SMCHD1: variants seen among roughly 807,000 people sequenced by gnomAD.
The protein encoded by SMCHD1 is structural maintenance of chromosomes flexible hinge domain-containing protein 1.
SMCHD1 carries 78 observed loss-of-function variants against 254.7 expected under a neutral mutation model. That is an observed-to-expected ratio of 0.31 (90% CI 0.26 to 0.37). SMCHD1 has a LOEUF of 0.37. Among genes scored for constraint, SMCHD1 ranks in the 10% least tolerant of loss-of-function variants. The probability of loss-of-function intolerance (pLI) is 1.00; values close to 1 mark genes in which losing one functional copy is unlikely to be tolerated. For synonymous variants in SMCHD1, 766 were observed against 794.9 expected (o/e 0.96, Z 0.61); for missense variants, 1,840 against 2,408.1 (o/e 0.76, Z 4.94).
At chr18:2,662,312 T>A (rs546722647) in intron 1 of SMCHD1, among the ~76,000 whole-genome samples, 3 of 151,712 alleles carry the variant, frequency 2.0e-5, no homozygotes, top group African/African-American at 7.2e-5. Flanking sequence ...TTGCACATAG[T>A]TTTTCAGTAA....
Position 2,666,948 on chromosome 18 carries a change from G to A in SMCHD1, c.341G>A (p.Arg114Gln). Residue 114 changes from arginine to glutamine, a missense_variant, in exon 3 of 48, where the codon CGA (arginine) becomes CAA (glutamine). Physicochemically the swap from Arg to Gln is conservative, Grantham distance 43. Around this residue, in one of 9 missense-constraint regions of SMCHD1, gnomAD observed 37 missense variants for 54.2 expected, o/e 0.68. Transcript: ENST00000320876. Reference sequence around the variant, plus strand: ...TTACTACTGACAGCTACGAAAGAACGAATTGACTTCTTACCTCACTATGAC... The same window carrying A: ...TTACTACTGACAGCTACGAAAGAACAAATTGACTTCTTACCTCACTATGAC... ...NQLLLTATKE[R>Q]IDFLPHYDTL... 6.2e-7 allele frequency: 1 copy of A among 1,612,188 alleles called. No individual in the cohort carries two copies. Among genetic ancestry groups the A allele is most frequent in the South Asian group, 1.1e-5 (1 of 90,826 alleles).
intron 3 of SMCHD1, among the ~76,000 whole-genome samples, chr18:2,669,824 A>G (rs2073546744): frequency 6.6e-6 from 1 of 152,156 alleles, no homozygotes. Flanking sequence ...AGTTCCCCCT[A>G]TCTGAATTGA....
intron 1 of SMCHD1, among the ~76,000 whole-genome samples, chr18:2,664,664 A>C (rs981541476): frequency 1.3e-5 from 2 of 152,216 alleles, no homozygotes; most frequent in Non-Finnish European, 2.9e-5. Context: ...TTACACTGGG[A>C]GGCACGTGAT....
Position 2,747,539 on chromosome 18 carries a change from T to C in SMCHD1, c.3819T>C (p.Asn1273=). The change falls in exon 30 of 48, where the codon AAT becomes AAC. Residue 1273 remains asparagine (N), a synonymous_variant. Coordinates refer to ENST00000320876, the MANE Select transcript of SMCHD1 (RefSeq NM_015295.3). ...PELKESIPVI[N]GRDLQNPIIV... Reference sequence around the variant, plus strand: ...CTTTTCAGTCCATTCCAGTGATTAATGGAAGAGATTTACAGAACCCTATTA... The same window carrying C: ...CTTTTCAGTCCATTCCAGTGATTAACGGAAGAGATTTACAGAACCCTATTA... 2 of 1,606,918 alleles carry C rather than the reference T, an allele frequency of 1.2e-6. No individual in the cohort carries two copies. Among genetic ancestry groups the C allele is most frequent in the Non-Finnish European group, 1.7e-6 (2 of 1,174,724 alleles).
At chr18:2,729,729 GAT>G (rs1345881605) in intron 24 of SMCHD1, among the ~76,000 whole-genome samples, 2 of 137,756 alleles carry the variant, frequency 1.5e-5, no homozygotes, top group Non-Finnish European at 3.1e-5. Context: ...TTTTTAAAGA[GAT>G]AGGGTCTCAC....
At chr18:2,705,866 G>T in intron 14 of SMCHD1, 59 bp downstream of exon 14, 1 of 1,042,306 alleles carries the variant, frequency 9.6e-7, no homozygotes, top group South Asian at 1.5e-5. Flanking sequence ...TTGCATAATT[G>T]TTAAGATACA....
intron 40 of SMCHD1, 80 bp downstream of exon 40, chr18:2,771,698 G>A: frequency 8.9e-7 from 1 of 1,119,916 alleles, no homozygotes; most frequent in Non-Finnish European, 1.2e-6. Context: ...TTTTTATTAG[G>A]AATTCTGAGT....
At chr18:2,682,009 T>C (rs757371387) in intron 5 of SMCHD1, among the ~76,000 whole-genome samples, 15 of 152,248 alleles carry the variant, frequency 9.9e-5, no homozygotes, top group Non-Finnish European at 2.1e-4. Flanking sequence ...TTTTGTTTTC[T>C]AATATTTGTG....
intron 2 of SMCHD1, among the ~76,000 whole-genome samples, chr18:2,666,657 T>C (rs1267538606): frequency 2.0e-5 from 3 of 152,226 alleles, no homozygotes; most frequent in Non-Finnish European, 4.4e-5. Context: ...GTTTAACTTA[T>C]TAAGAATTGA....
At chr18:2,764,246 G>A (rs777940488) in intron 37 of SMCHD1, 88 of 158,980 alleles carry the variant, frequency 5.5e-4, no homozygotes, top group South Asian at 1.6e-3. Context: ...GATAATAGAT[G>A]CTTAGCAACT....
chr18:2,737,250 G>A (rs188226753), intron 25 of SMCHD1, among the ~76,000 whole-genome samples: 128 of 152,162 alleles, frequency 8.4e-4, no homozygotes, highest in African/African-American at 2.5e-3. Context: ...AGAGGAGCAG[G>A]GGTTGAAAAA....
At chr18:2,742,936 A>G (rs1204768808) in intron 28 of SMCHD1, among the ~76,000 whole-genome samples, 2 of 152,178 alleles carry the variant, frequency 1.3e-5, no homozygotes, top group Non-Finnish European at 2.9e-5. Context: ...GGCCTCGTAA[A>G]GTGCTGGGAT....
chr18:2,713,119 G>A lies in SMCHD1; in HGVS notation c.2261-5039G>A, dbSNP rs72862998. On this transcript the variant is annotated intron_variant, in intron 17 of 47. Coordinates refer to ENST00000320876, the MANE Select transcript of SMCHD1 (RefSeq NM_015295.3). ...TGTATGAGCTGTTTCTTATGATTAC[G>A]TAAGTCTGTTGTTGTAGATGAATGC... 7.5e-3 allele frequency among the ~76,000 whole-genome samples: 1,148 copies of A among 152,300 alleles called. 8 individuals carry two copies. Among genetic ancestry groups the A allele is most frequent in the Middle Eastern group, 0.017 (5 of 294 alleles).
Position 2,750,450 on chromosome 18 carries a change from C to G in SMCHD1, c.4108C>G (p.Arg1370Gly), listed in dbSNP as rs942559171. The change falls in exon 32 of 48, where the codon CGT becomes GGT. Residue 1370 changes from arginine (R) to glycine (G), a missense_variant. By Grantham distance (125) the Arg-to-Gly change is moderately radical. This residue lies in a region of SMCHD1 where 881 missense variants were observed against 1,009.5 expected (regional missense o/e 0.87). Coordinates refer to ENST00000320876, the MANE Select transcript of SMCHD1 (RefSeq NM_015295.3). Reference protein sequence around the residue: ...MILPDPEKPVRLNVKYDKDAS... With the variant: ...MILPDPEKPVGLNVKYDKDAS... ...TCTTCCAGACCCAGAAAAACCCGTT[C>G]GTCTCAATGTTAAATATGACAAAGA... 6 of 1,610,854 alleles carry G rather than the reference C, an allele frequency of 3.7e-6. No individual in the cohort carries two copies. In the Admixed American group the frequency reaches 1.0e-4, roughly 27 times the overall value.
chr18:2,711,481 C>CT (rs752950626), intron 17 of SMCHD1, among the ~76,000 whole-genome samples: 45,263 of 112,312 alleles, frequency 0.4, 10,863 homozygotes, highest in Non-Finnish European at 0.47. Flanking sequence ...GGATGTTTGT[C>CT]TTTTTTTTTT....
intron 3 of SMCHD1, among the ~76,000 whole-genome samples, chr18:2,669,665 G>A (rs561294759): frequency 6.6e-6 from 1 of 152,282 alleles, no homozygotes; most frequent in South Asian, 2.1e-4. Flanking sequence ...GAAGAGGTAG[G>A]AAATGGTCAT....
chr18:2,708,878 A>ATGTATGTATG (rs1326468644), intron 17 of SMCHD1, among the ~76,000 whole-genome samples: 3 of 56,764 alleles, frequency 5.3e-5, no homozygotes, highest in African/African-American at 3.0e-4. Context: ...ATATATATAT[A>ATGTATGTATG]TATATATATA....
intron 46 of SMCHD1, 147 bp downstream of exon 46, chr18:2,796,254 G>T: frequency 1.2e-6 from 1 of 867,112 alleles, no homozygotes; most frequent in Admixed American, 3.1e-5. Flanking sequence ...TCTGATAAAT[G>T]GTTATAAACT....
chr18:2,692,960 TCTC>T (rs1011679480), intron 7 of SMCHD1, among the ~76,000 whole-genome samples: 1 of 152,240 alleles, frequency 6.6e-6, no homozygotes, highest in Non-Finnish European at 1.5e-5. Flanking sequence ...TTCAGACTAA[TCTC>T]CTGACTCAAA....
Sources: allele counts gnomAD v4.1 joint callset (sites outside exome capture counted in the v4.1 genomes callset), GRCh38; gene constraint gnomAD v4.1.1; regional missense constraint gnomAD v4.1.1; transcripts MANE v1.5; gene names NCBI Gene and HGNC (gene_info 2026-07-23, HGNC 2026-07-21).